The following CROCC2 variants were observed in gnomAD, a reference collection of about 807,000 sequenced individuals.
CROCC2 encodes ciliary rootlet coiled-coil, rootletin family member 2.
Under a neutral mutation model 177.6 loss-of-function variants are expected in CROCC2, and 163 were observed. The observed-to-expected ratio is 0.92, with a 90% CI of 0.81 to 1.05. CROCC2 has a LOEUF of 1.05. Ranked by LOEUF, CROCC2 falls within the 50% of genes least tolerant of loss-of-function variation. CROCC2 has a pLI of 0.00. For synonymous variants in CROCC2, 904 were observed against 787.3 expected, an observed-to-expected ratio of 1.15 and a Z score of -2.48; for missense variants, 1,929 against 1,797.8, an observed-to-expected ratio of 1.07 and a Z score of -1.32.
At chr2:240,967,691 C>T (rs1312616038) in intron 26 of CROCC2, 1 of 562,692 alleles carries the variant, frequency 1.8e-6, no homozygotes, top group Admixed American at 6.3e-5. Context: ...CGTCCACAGG[C>T]CCATCAGGGC....
In CROCC2 at chr2:240,974,545, T is replaced by C. The variant is rs540390504; in HGVS notation, c.4401+6283T>C. Among the ~76,000 whole-genome samples the C allele has an allele frequency of 2.0e-5, 3 of 149,034 alleles. No homozygotes were observed. In the South Asian group the frequency reaches 6.3e-4, roughly 31 times the overall value. On this transcript the variant is annotated intron_variant, in intron 27 of 31. Transcript: ENST00000690015. ...TCTTTCTTTTTTTTCTTTTTTTTTTTTTTTTGTAGAGATGGTGTTAAACCA... is the reference window on the plus strand; with the variant it reads ...TCTTTCTTTTTTTTCTTTTTTTTTTCTTTTTGTAGAGATGGTGTTAAACCA...
intron 21 of CROCC2, chr2:240,964,201 T>G (rs2059661082): frequency 1.8e-6 from 1 of 562,128 alleles, no homozygotes; most frequent in Non-Finnish European, 3.2e-6. Context: ...TCCGGGAGTG[T>G]GACAGAGAGG....
intron 27 of CROCC2, among the ~76,000 whole-genome samples, chr2:240,981,199 G>T (rs1277228622): frequency 6.7e-6 from 1 of 149,170 alleles, no homozygotes; most frequent in Non-Finnish European, 1.5e-5. Context: ...AGTCTCTGGG[G>T]TAGGAGCCTC....
At chr2:240,955,475 T>C (rs965672774) in intron 18 of CROCC2, 3 of 177,758 alleles carry the variant, frequency 1.7e-5, no homozygotes, top group Non-Finnish European at 3.5e-5. Flanking sequence ...TTAAGCTTTC[T>C]TCTCTGCACT....
At chr2:240,940,644 C>T (rs2059490389) in intron 14 of CROCC2, among the ~76,000 whole-genome samples, 1 of 152,166 alleles carries the variant, frequency 6.6e-6, no homozygotes, top group South Asian at 2.1e-4. Flanking sequence ...CAAAATCCAG[C>T]ATCCCTTTAT....
Position 240,950,345 on chromosome 2 carries a change from C to G in CROCC2, c.2664C>G (p.Ser888Arg). Reference protein sequence around the residue: ...AQLQREKETLSLTLAEEKEVA... With the variant: ...AQLQREKETLRLTLAEEKEVA... ...TTACCTTGGCCCAGGAGACCCTGAG[C>G]CTGACCCTGGCAGAGGAGAAGGAGG... The change falls in exon 18 of 32, where the codon AGC becomes AGG. Residue 888 changes from serine (S) to arginine (R), a missense_variant. Physicochemically the swap from Ser to Arg is moderately radical, Grantham distance 110. Transcript: ENST00000690015. The G allele has an allele frequency of 6.5e-7, 1 of 1,549,768 alleles. No individual in the cohort carries two copies. Among genetic ancestry groups the G allele is most frequent in the East Asian group, 2.4e-5 (1 of 40,912 alleles).
intron 9 of CROCC2, 32 bp from the exon 10 acceptor site, chr2:240,933,099 A>G: frequency 6.5e-7 from 1 of 1,548,846 alleles, no homozygotes; most frequent in African/African-American, 1.4e-5. Flanking sequence ...TGCCTAGGCC[A>G]GAGAGGCCCA....
intron 1 of CROCC2, among the ~76,000 whole-genome samples, chr2:240,913,778 G>A (rs2059301956): frequency 6.6e-6 from 1 of 152,284 alleles, no homozygotes. Flanking sequence ...GAGGCCAGGT[G>A]TTATCCCAGG....
chr2:240,927,022 G>A (rs1207845208), intron 5 of CROCC2, among the ~76,000 whole-genome samples: 1 of 152,236 alleles, frequency 6.6e-6, no homozygotes, highest in Non-Finnish European at 1.5e-5. Context: ...GCTCAGTTTG[G>A]CATTCGATCA....
In CROCC2 at chr2:240,961,290, G is replaced by T. The variant is rs562560295; in HGVS notation, c.3087+1846G>T. 7.7e-3 allele frequency among the ~76,000 whole-genome samples: 1,166 copies of T among 152,054 alleles called. 12 individuals carry two copies. The highest frequency in any genetic ancestry group is 0.027 in the African/African-American group (1,117 of 41,452). ...AGACCACACACACCGGTGTACACTTGACACTCAGAGTGGTGTGTGCATGCT... is the reference window on the plus strand; with the variant it reads ...AGACCACACACACCGGTGTACACTTTACACTCAGAGTGGTGTGTGCATGCT... On this transcript the variant is annotated intron_variant, in intron 20 of 31. Transcript: ENST00000690015.
chr2:240,940,117 T>C (rs1043717275), intron 14 of CROCC2, among the ~76,000 whole-genome samples: 48 of 152,292 alleles, frequency 3.2e-4, no homozygotes, highest in African/African-American at 1.2e-3. Context: ...TGGTTGTTTT[T>C]GTCTACTTGC....
In CROCC2 at chr2:240,912,126, G is replaced by A. The variant is rs113611744; in HGVS notation, c.78+5535G>A. ...CCGCTTCTTTTCCTCTCTGACGTAC[G>A]CACTTCCCTCCAGGCAAGGTTTATC... On this transcript the variant is annotated intron_variant, in intron 1 of 31. Coordinates refer to ENST00000690015, the MANE Select transcript of CROCC2 (RefSeq NM_001351305.2). Among the ~76,000 whole-genome samples, 687 of 152,236 alleles carry A rather than the reference G, an allele frequency of 4.5e-3. 6 individuals are homozygous for A. Among genetic ancestry groups the A allele is most frequent in the African/African-American group, 0.016 (656 of 41,544 alleles).
At chr2:240,966,597 G>A (rs555209910) in intron 25 of CROCC2, among the ~76,000 whole-genome samples, 188 bp downstream of exon 25, 5 of 152,170 alleles carry the variant, frequency 3.3e-5, no homozygotes, top group East Asian at 3.9e-4. Context: ...GCTGGAGGCC[G>A]CCCCCTTCCT....
intron 28 of CROCC2, chr2:240,983,345 C>T (rs756533760): frequency 5.2e-5 from 67 of 1,284,314 alleles, no homozygotes; most frequent in Non-Finnish European, 6.2e-5. Context: ...GAGGCCAGAG[C>T]CAGCCTTAGA....
intron 30 of CROCC2, 72 bp from the exon 31 acceptor site, chr2:240,991,124 C>A (rs1030909036): frequency 1.7e-6 from 2 of 1,183,056 alleles, no homozygotes; most frequent in Non-Finnish European, 2.3e-6. Flanking sequence ...ACAGAGCCCT[C>A]CATGCCTCTA....
chr2:240,926,502 C>T (rs528416865), intron 5 of CROCC2, among the ~76,000 whole-genome samples: 73 of 152,368 alleles, frequency 4.8e-4, no homozygotes, highest in Non-Finnish European at 9.7e-4. Context: ...TGAAGGTGTT[C>T]CCAACAGCCC....
At chr2:240,921,652 G>A (rs1331478794) in intron 3 of CROCC2, among the ~76,000 whole-genome samples, 1 of 152,216 alleles carries the variant, frequency 6.6e-6, no homozygotes, top group African/African-American at 2.4e-5. Context: ...TTACCCCCAA[G>A]ACAGGCGGAA....
chr2:240,941,218 T>TGGTC (rs1458823393), intron 14 of CROCC2, among the ~76,000 whole-genome samples: 1 of 152,200 alleles, frequency 6.6e-6, no homozygotes, highest in African/African-American at 2.4e-5. Flanking sequence ...CCTATGCTCA[T>TGGTC]GGACGAGTAG....
intron 1 of CROCC2, among the ~76,000 whole-genome samples, chr2:240,912,247 C>G (rs987966462): frequency 6.6e-6 from 1 of 152,222 alleles, no homozygotes; most frequent in African/African-American, 2.4e-5. Context: ...CACCAGCTAG[C>G]TGTCCTACAA....
Sources: allele counts gnomAD v4.1 joint callset (sites outside exome capture counted in the v4.1 genomes callset), GRCh38; gene constraint gnomAD v4.1.1; transcripts MANE v1.5; gene names NCBI Gene and HGNC (gene_info 2026-07-23, HGNC 2026-07-21).